The following STRN variants were observed in gnomAD, a reference collection of about 807,000 sequenced individuals.
The protein encoded by STRN is striatin, also known as protein phosphatase 2 regulatory subunit B'''alpha.
STRN carries 53 observed loss-of-function variants against 96.3 expected under a neutral mutation model. The observed-to-expected ratio is 0.55, with a 90% confidence interval of 0.44 to 0.69. The LOEUF is 0.69. Among genes scored for constraint, STRN ranks in the 30% least tolerant of loss-of-function variants. The pLI, the probability that STRN is intolerant of heterozygous loss-of-function variation, is 0.00. For missense variants in STRN, 987 were observed against 963.9 expected, an observed-to-expected ratio of 1.02 and a Z score of -0.32; for synonymous variants, 428 against 355.9, an observed-to-expected ratio of 1.20 and a Z score of -2.28.
At chr2:36,893,114 G>A (rs1039836144) in intron 7 of STRN, among the ~76,000 whole-genome samples, 4 of 151,890 alleles carry the variant, frequency 2.6e-5, no homozygotes, top group Non-Finnish European at 4.4e-5. Context: ...GAAAAACAAT[G>A]AAAACTTTCA....
At chr2:36,862,011 G>T (rs1046087948) in intron 12 of STRN, among the ~76,000 whole-genome samples, 3 of 152,108 alleles carry the variant, frequency 2.0e-5, no homozygotes, top group African/African-American at 7.2e-5. Flanking sequence ...ACTTATAAGT[G>T]AGAACATGCA....
At chr2:36,923,881 C>T (rs1670329467) in intron 2 of STRN, among the ~76,000 whole-genome samples, 5 of 152,044 alleles carry the variant, frequency 3.3e-5, no homozygotes, top group African/African-American at 9.7e-5. Flanking sequence ...AATCCAAGGC[C>T]CATTCATTAA....
chr2:36,932,240 C>A (rs1190059534), intron 1 of STRN, among the ~76,000 whole-genome samples: 1 of 152,130 alleles, frequency 6.6e-6, no homozygotes, highest in Non-Finnish European at 1.5e-5. Flanking sequence ...CTGCAACCTC[C>A]ACCTCCCGGG....
rs745656236 is a variant in STRN at position 36,883,955 on chromosome 2, T to C, written c.1163A>G (p.His388Arg). 3.5e-6 allele frequency: 5 copies of C among 1,410,936 alleles called. No individual in the cohort carries two copies. The highest frequency in any genetic ancestry group is 4.6e-6 in the Non-Finnish European group (5 of 1,077,048). The allele number at this position is 1,410,936 out of a possible 1,614,324, so 87.4% of individuals were successfully genotyped here. A position where few individuals can be genotyped will look rare whatever the true frequency, so the allele number is the denominator to read the frequency against. The stretch of plus-strand genomic sequence containing the variant: ...ACCTTCATCTGCCCTATTAATTTCA[T>C]GTTCAGGAAGCCTGGAGCTGCTGGG... ...SRPSSSRLPEHEINRADEVEA... is the reference protein window; with the variant it reads ...SRPSSSRLPEREINRADEVEA... Residue 388 changes from histidine (H) to arginine (R), a missense_variant, in exon 9 of 18, where the codon CAT becomes CGT. Coordinates refer to ENST00000263918, the MANE Select transcript of STRN (RefSeq NM_003162.4).
chr2:36,891,438 C>T (rs1327837583), intron 7 of STRN, among the ~76,000 whole-genome samples: 1 of 152,056 alleles, frequency 6.6e-6, no homozygotes. Context: ...AGGCAGGGAA[C>T]TGCTTGAATC....
chr2:36,929,117 C>CT (rs1670500667), intron 1 of STRN, among the ~76,000 whole-genome samples: 1 of 152,014 alleles, frequency 6.6e-6, no homozygotes. Flanking sequence ...ATACTTTATA[C>CT]GTATTTTTCA....
At chr2:36,902,443 A>C in intron 5 of STRN, 141 bp downstream of exon 5, 1 of 543,500 alleles carries the variant, frequency 1.8e-6, no homozygotes, top group South Asian at 4.9e-5. Context: ...TTACCTTCTA[A>C]CCAAATAAAA....
chr2:36,928,736 A>T (rs562424245), intron 1 of STRN, among the ~76,000 whole-genome samples: 2 of 151,706 alleles, frequency 1.3e-5, no homozygotes, highest in East Asian at 3.9e-4. Flanking sequence ...CGAGGTCAGG[A>T]GTTCAAGACC....
rs1451093087 is a variant in STRN, at chr2:36,847,693, A to G, written c.*1763T>C. The G allele has an allele frequency of 6.6e-6, 1 of 152,182 alleles. No homozygotes were observed. Among genetic ancestry groups the G allele is most frequent in the Non-Finnish European group, 1.5e-5 (1 of 68,028 alleles). 9.4% of individuals were successfully genotyped at this position (152,182 alleles called of 1,614,324 possible). On this transcript the variant is annotated 3_prime_UTR_variant, in exon 18 of 18. Transcript: ENST00000263918. ...TAGCACAAGTCTCTAGCTTTAAAGA[A>G]AATTTGCCTGTATAATGCAGAATTC...
chr2:36,839,900 G>A lies in STRN; in HGVS notation c.*9556C>T, dbSNP rs1445732826. The A allele has an allele frequency of 6.6e-6, 1 of 152,182 alleles. No individual in the cohort carries two copies. The highest frequency in any genetic ancestry group is 1.5e-5 in the Non-Finnish European group (1 of 68,036). 9.4% of individuals were successfully genotyped at this position (152,182 alleles called of 1,614,324 possible). A position where few individuals can be genotyped will look rare whatever the true frequency, so the allele number is the denominator to read the frequency against. Reference sequence around the variant, plus strand: ...GTTTTATTCCTAAAACAATTGCACTGTTCAGCTAAAGCCCTGGGCCCTGCT... The same window carrying A: ...GTTTTATTCCTAAAACAATTGCACTATTCAGCTAAAGCCCTGGGCCCTGCT... On this transcript the variant is annotated 3_prime_UTR_variant, in exon 18 of 18. Transcript: ENST00000263918.
rs1440237429 is a variant in STRN at position 36,840,962 on chromosome 2, T to A, written c.*8494A>T. On this transcript the variant is annotated 3_prime_UTR_variant, in exon 18 of 18. Coordinates refer to ENST00000263918, the MANE Select transcript of STRN (RefSeq NM_003162.4). ...TGAAAATCACAGGAAAGAAAACTTT[T>A]GTGTATTTATTAGCAGAGGCAAGCT... 6.6e-6 allele frequency: 1 copy of A among 152,208 alleles called. No homozygotes were observed. Among genetic ancestry groups the A allele is most frequent in the Non-Finnish European group, 1.5e-5 (1 of 68,046 alleles). 9.4% of individuals were successfully genotyped at this position (152,208 alleles called of 1,614,324 possible). A position where few individuals can be genotyped will look rare whatever the true frequency, so the allele number is the denominator to read the frequency against.
At chr2:36,855,416 T>A in intron 14 of STRN, 64 bp from the exon 15 acceptor site, 10 of 1,557,366 alleles carry the variant, frequency 6.4e-6, no homozygotes, top group South Asian at 6.0e-5. Flanking sequence ...CTGCTTAAAA[T>A]AGAGCAAAAC....
intron 2 of STRN, among the ~76,000 whole-genome samples, chr2:36,919,871 T>C (rs1268379262): frequency 2.0e-5 from 3 of 152,224 alleles, no homozygotes; most frequent in African/African-American, 7.2e-5. Flanking sequence ...CCTCAGATTA[T>C]ACACTATGTA....
At chr2:36,945,801 C>T (rs1670967760) in intron 1 of STRN, among the ~76,000 whole-genome samples, 1 of 152,140 alleles carries the variant, frequency 6.6e-6, no homozygotes, top group Non-Finnish European at 1.5e-5. Flanking sequence ...AACATATTAT[C>T]TTAGACGCAA....
chr2:36,910,928 T>C (rs1435319139), intron 3 of STRN, among the ~76,000 whole-genome samples: 1 of 151,994 alleles, frequency 6.6e-6, no homozygotes, highest in Non-Finnish European at 1.5e-5. Context: ...GGTCTGGACG[T>C]GGGACAAAAA....
chr2:36,870,930 A>C (rs747078684), intron 10 of STRN, among the ~76,000 whole-genome samples: 6 of 152,156 alleles, frequency 3.9e-5, no homozygotes, highest in Non-Finnish European at 8.8e-5. Context: ...GTATAGGCCT[A>C]GGTTAATATG....
At chr2:36,850,075 G>A (rs533471153) in intron 16 of STRN, among the ~76,000 whole-genome samples, 14 of 152,266 alleles carry the variant, frequency 9.2e-5, no homozygotes, top group Admixed American at 3.3e-4. Flanking sequence ...CTTAAGCCAC[G>A]TTTGTTAATT....
In STRN at chr2:36,845,296, T is replaced by C. The variant is rs565142245; in HGVS notation, c.*4160A>G. 6.6e-6 allele frequency: 1 copy of C among 152,306 alleles called. No homozygotes were observed. The highest frequency in any genetic ancestry group is 2.1e-4 in the South Asian group (1 of 4,826). The allele number at this position is 152,306 out of a possible 1,614,324, so 9.4% of individuals were successfully genotyped here. A position where few individuals can be genotyped will look rare whatever the true frequency, so the allele number is the denominator to read the frequency against. On this transcript the variant is annotated 3_prime_UTR_variant, in exon 18 of 18. Transcript: ENST00000263918. ...ATTAATTCTAAGCCTTTCAGTCTGA[T>C]TTGTGACATCTTAATACAATATAAC...
chr2:36,906,735 G>A (rs748450553), intron 3 of STRN, among the ~76,000 whole-genome samples: 7 of 151,790 alleles, frequency 4.6e-5, no homozygotes, highest in African/African-American at 9.7e-5. Context: ...AGACCAGCCT[G>A]ACCAACATGG....
Sources: allele counts gnomAD v4.1 joint callset (sites outside exome capture counted in the v4.1 genomes callset), GRCh38; gene constraint gnomAD v4.1.1; transcripts MANE v1.5; gene names NCBI Gene and HGNC (gene_info 2026-07-23, HGNC 2026-07-21).